ARHGAP42: variants seen among roughly 807,000 people sequenced by gnomAD.
ARHGAP42 encodes Rho GTPase activating protein 42.
Under a neutral mutation model 125.0 loss-of-function variants are expected in ARHGAP42, and 63 were observed. That is an observed-to-expected ratio of 0.50 (90% CI 0.41 to 0.62). The LOEUF is 0.62. Among genes scored for constraint, ARHGAP42 ranks in the 20% least tolerant of loss-of-function variants. The pLI, the probability that ARHGAP42 is intolerant of heterozygous loss-of-function variation, is 0.00. For synonymous variants in ARHGAP42, 339 were observed against 351.0 expected (o/e 0.97, Z 0.38); for missense variants, 766 against 1,024.2 (o/e 0.75, Z 3.44).
chr11:100,911,741 G>C (rs2135229108), intron 4 of ARHGAP42, among the ~76,000 whole-genome samples: 1 of 152,178 alleles, frequency 6.6e-6, no homozygotes, highest in Non-Finnish European at 1.5e-5. Context: ...CCTGAACCTT[G>C]GGCCTCTCTT....
chr11:100,733,829 A>G (rs1862004541), intron 1 of ARHGAP42, among the ~76,000 whole-genome samples: 1 of 148,776 alleles, frequency 6.7e-6, no homozygotes, highest in Non-Finnish European at 1.5e-5. Context: ...TGTCTGGAAA[A>G]AAAAAAAAAA....
chr11:100,976,421 C>T lies in ARHGAP42; in HGVS notation c.2220C>T (p.Ser740=), dbSNP rs1385657041. 16 of 1,531,880 alleles carry T rather than the reference C, an allele frequency of 1.0e-5. No individual in the cohort carries two copies. Among genetic ancestry groups the T allele is most frequent in the Non-Finnish European group, 1.4e-5 (16 of 1,140,514 alleles). 94.9% of individuals were successfully genotyped at this position (1,531,880 alleles called of 1,614,324 possible). A position where few individuals can be genotyped will look rare whatever the true frequency, so the allele number is the denominator to read the frequency against. The change falls in exon 20 of 24, where the codon TCC becomes TCT. Residue 740 remains serine (S), a synonymous_variant. Transcript: ENST00000298815. ...LKRASASSLR[S]ISAAEGNKSY... ...GAGCTTCTGCTTCTTCTCTCAGATC[C>T]ATCTCTGCAGCTGAAGGTAAGGCAG...
chr11:100,961,382 G>A lies in ARHGAP42; in HGVS notation c.1301-302G>A, dbSNP rs145850764. Among the ~76,000 whole-genome samples the A allele has an allele frequency of 2.2e-3, 333 of 152,138 alleles. 2 individuals carry two copies. Among genetic ancestry groups the A allele is most frequent in the African/African-American group, 7.8e-3 (325 of 41,502 alleles). On this transcript the variant is annotated intron_variant, in intron 14 of 23. Transcript: ENST00000298815. ...GTACCTGCCTCTTAAGAGTTGTGAG[G>A]ATTGACTATGTTAATCTCCGTAAAG... is the stretch of plus-strand genomic sequence containing the variant.
chr11:100,746,547 T>C (rs1325393483), intron 1 of ARHGAP42, among the ~76,000 whole-genome samples: 1 of 152,238 alleles, frequency 6.6e-6, no homozygotes, highest in Non-Finnish European at 1.5e-5. Flanking sequence ...AGCATTTACA[T>C]CTTTACACCC....
intron 2 of ARHGAP42, among the ~76,000 whole-genome samples, chr11:100,777,002 C>T (rs996552152): frequency 7.5e-6 from 1 of 133,218 alleles, no homozygotes; most frequent in Admixed American, 7.6e-5. Context: ...AAAAAAAAAA[C>T]ACGAAGAGCA....
intron 5 of ARHGAP42, among the ~76,000 whole-genome samples, chr11:100,914,773 T>G (rs1867020984): frequency 6.6e-6 from 1 of 152,178 alleles, no homozygotes; most frequent in Non-Finnish European, 1.5e-5. Flanking sequence ...CCTGAACTGC[T>G]TTTCAAATTC....
chr11:100,770,487 G>A, intron 2 of ARHGAP42, 49 bp downstream of exon 2: 2 of 1,275,724 alleles, frequency 1.6e-6, no homozygotes, highest in Non-Finnish European at 2.2e-6. Context: ...TTATTTTACT[G>A]AAATCAAATA....
At chr11:100,911,964 A>G (rs1199061313) in intron 4 of ARHGAP42, among the ~76,000 whole-genome samples, 2 of 152,144 alleles carry the variant, frequency 1.3e-5, no homozygotes, top group African/African-American at 2.4e-5. Flanking sequence ...TACTTCTTAC[A>G]TGGTCTAAAA....
intron 3 of ARHGAP42, among the ~76,000 whole-genome samples, chr11:100,846,851 A>T (rs1295879475): frequency 6.6e-6 from 1 of 152,138 alleles, no homozygotes; most frequent in Non-Finnish European, 1.5e-5. Context: ...GATAGGGAAC[A>T]AGTGGAACAG....
rs369600796 is a variant in ARHGAP42, at chr11:100,914,434, CA to C, written c.486+883del. ...CTTTTACTAAGGAATAATGTAGTTC[CA>C]ATTTCAGTGACAAAGTGTGTCCAAA... On this transcript the variant is annotated intron_variant, in intron 5 of 23. Coordinates refer to ENST00000298815, the MANE Select transcript of ARHGAP42 (RefSeq NM_152432.4). Among the ~76,000 whole-genome samples the C allele has an allele frequency of 3.7e-3, 555 of 152,022 alleles. 3 individuals carry two copies. Among genetic ancestry groups the C allele is most frequent in the African/African-American group, 0.013 (523 of 41,486 alleles).
chr11:100,907,019 G>A (rs1866756148), intron 4 of ARHGAP42, among the ~76,000 whole-genome samples: 2 of 152,258 alleles, frequency 1.3e-5, no homozygotes, highest in East Asian at 3.9e-4. Context: ...CCCAGAAGTT[G>A]GTTCTTAGGA....
intron 1 of ARHGAP42, among the ~76,000 whole-genome samples, chr11:100,768,184 A>G (rs990057124): frequency 2.6e-5 from 4 of 152,202 alleles, no homozygotes; most frequent in Non-Finnish European, 5.9e-5. Flanking sequence ...ATTCAGGACT[A>G]TCACAACAGG....
At chr11:100,968,128 G>A (rs780714904) in intron 17 of ARHGAP42, among the ~76,000 whole-genome samples, 1 of 152,072 alleles carries the variant, frequency 6.6e-6, no homozygotes, top group Admixed American at 6.6e-5. Context: ...CTTTCATTTG[G>A]TTACTGTTTG....
intron 3 of ARHGAP42, among the ~76,000 whole-genome samples, chr11:100,805,900 G>C (rs1460376732): frequency 6.6e-6 from 1 of 152,128 alleles, no homozygotes; most frequent in South Asian, 2.1e-4. Flanking sequence ...GTTTTGGCTG[G>C]TTTCTTTACT....
At chr11:100,794,708 C>T (rs1443001756) in intron 2 of ARHGAP42, among the ~76,000 whole-genome samples, 1 of 152,164 alleles carries the variant, frequency 6.6e-6, no homozygotes, top group African/African-American at 2.4e-5. Context: ...AGATTTGTTG[C>T]TCCTTACAGA....
chr11:100,728,127 T>C (rs1193839604), intron 1 of ARHGAP42, among the ~76,000 whole-genome samples: 1 of 152,302 alleles, frequency 6.6e-6, no homozygotes, highest in East Asian at 1.9e-4. Context: ...CAGTTGGTTT[T>C]TCCTATATTC....
rs563377211 is a variant in ARHGAP42 at position 100,989,937 on chromosome 11, T to C, written c.*1136T>C. 1 of 152,304 alleles carries C rather than the reference T, an allele frequency of 6.6e-6. No individual in the cohort carries two copies. The highest frequency in any genetic ancestry group is 2.1e-4 in the South Asian group (1 of 4,828). The allele number at this position is 152,304 out of a possible 1,614,324, so 9.4% of individuals were successfully genotyped here. On this transcript the variant is annotated 3_prime_UTR_variant, in exon 24 of 24. Coordinates refer to ENST00000298815, the MANE Select transcript of ARHGAP42 (RefSeq NM_152432.4). ...TTGAACCACAGAGGTTGAAATTGTT[T>C]TGTGATCTTCAGCAGAAATAAAATC...
At chr11:100,863,326 G>A (rs944609631) in intron 4 of ARHGAP42, among the ~76,000 whole-genome samples, 1 of 152,198 alleles carries the variant, frequency 6.6e-6, no homozygotes, top group Non-Finnish European at 1.5e-5. Context: ...GGAAGGGAGG[G>A]CCGTTGATTA....
intron 4 of ARHGAP42, among the ~76,000 whole-genome samples, chr11:100,889,385 C>T (rs1221485966): frequency 6.6e-6 from 1 of 152,046 alleles, no homozygotes; most frequent in African/African-American, 2.4e-5. Context: ...CCTTTTATAC[C>T]TTCCGTCATA....
Sources: gnomAD v4.1 joint callset for allele counts (sites outside exome capture counted in the v4.1 genomes callset) on GRCh38, gnomAD v4.1.1 for gene constraint, MANE v1.5 for transcripts, NCBI Gene and HGNC (gene_info 2026-07-23, HGNC 2026-07-21) for gene names.